Variants in CLBA1 observed in about 807,000 individuals in gnomAD.
CLBA1 encodes the protein clathrin binding box of aftiphilin containing 1, also known as uncharacterized protein CLBA1.
In CLBA1, 30 loss-of-function variants were observed where a neutral mutation model predicts 28.8. The observed-to-expected ratio is 1.04, with a 90% CI of 0.78 to 1.41. The LOEUF is 1.41. Among genes scored for constraint, CLBA1 ranks in the 40% most tolerant of loss-of-function variants. The pLI, the probability that CLBA1 is intolerant of heterozygous loss-of-function variation, is 0.00. For synonymous variants in CLBA1, 160 were observed against 152.8 expected (o/e 1.05, Z -0.35); for missense variants, 451 against 412.3 (o/e 1.09, Z -0.81).
downstream of CLBA1, chr14:104,999,454 A>G (rs1199610981): frequency 3.8e-5 from 6 of 157,226 alleles, no homozygotes; most frequent in Admixed American, 3.9e-4. Context: ...CAAGATGCCC[A>G]AGGACCCAGC....
intron 2 of CLBA1, 147 bp downstream of exon 2, chr14:104,989,235 G>A (rs1899952072): frequency 2.6e-6 from 2 of 756,458 alleles, no homozygotes; most frequent in Admixed American, 2.9e-5. Context: ...GGGGTCCTAT[G>A]AGAAGGGGCA....
At chr14:104,991,023 GTTTTT>G (rs927897219) in intron 2 of CLBA1, 3 of 160,710 alleles carry the variant, frequency 1.9e-5, no homozygotes, top group African/African-American at 7.2e-5. Flanking sequence ...GTTTTTATTT[GTTTTT>G]TTGTTTGTTT....
intron 3 of CLBA1, 93 bp from the exon 4 acceptor site, chr14:104,992,855 T>G (rs975106435): frequency 4.1e-5 from 44 of 1,062,450 alleles, no homozygotes; most frequent in Non-Finnish European, 6.2e-5. Context: ...CTTTGCAGTT[T>G]TAGCATGAAA....
Position 104,993,063 on chromosome 14 carries a change from A to T in CLBA1, c.815A>T (p.Lys272Met), listed in dbSNP as rs1900081771. Reference sequence around the variant, plus strand: ...CATTGCAAAGCCCTGATCCAGACCAAGGTGAGTGGTCACCAAGGAGAGGCC... The same window carrying T: ...CATTGCAAAGCCCTGATCCAGACCATGGTGAGTGGTCACCAAGGAGAGGCC... ...LQHCKALIQT[K>M]LSGPPGSKQG... Residue 272 changes from lysine to methionine, a missense_variant and splice_region_variant, in exon 4 of 5, where the codon AAG becomes ATG. Transcript: ENST00000547315. 1.2e-6 allele frequency: 2 copies of T among 1,612,688 alleles called. No individual in the cohort carries two copies. The highest frequency in any genetic ancestry group is 3.4e-5 in the Admixed American group (2 of 59,700).
downstream of CLBA1, among the ~76,000 whole-genome samples, chr14:105,000,290 CTTT>C (rs56848266): frequency 1.4e-5 from 2 of 145,200 alleles, no homozygotes; most frequent in East Asian, 3.9e-4. Flanking sequence ...TTCTTTCTTT[CTTT>C]TTTTTTTTTG....
chr14:104,997,293 T>G (rs193278203), downstream of CLBA1, among the ~76,000 whole-genome samples: 445 of 152,282 alleles, frequency 2.9e-3, 1 homozygote, highest in African/African-American at 0.01. Context: ...ATCAGTTAAC[T>G]TGAAGATTGG....
At chr14:104,994,110 T>C (rs1235655943) in intron 4 of CLBA1, 7 of 985,084 alleles carry the variant, frequency 7.1e-6, no homozygotes, top group Non-Finnish European at 8.4e-6. Flanking sequence ...AGGCTGTCCA[T>C]CTTTTTGAAA....
chr14:104,997,873 G>C (rs1212958598), downstream of CLBA1, among the ~76,000 whole-genome samples: 1 of 152,064 alleles, frequency 6.6e-6, no homozygotes, highest in Non-Finnish European at 1.5e-5. Context: ...GCCAGGCGTG[G>C]TGGCGCATGC....
intron 2 of CLBA1, 113 bp downstream of exon 2, chr14:104,989,201 G>T: frequency 9.3e-7 from 1 of 1,076,106 alleles, no homozygotes; most frequent in Non-Finnish European, 1.3e-6. Context: ...TCTCTCCTGA[G>T]GTCCCTGCCA....
chr14:104,993,279 ACT>A (rs1376782087), intron 4 of CLBA1: 61 of 985,176 alleles, frequency 6.2e-5, no homozygotes, highest in Non-Finnish European at 7.4e-5. Context: ...ATCCGGAAAG[ACT>A]CTCAGGCCAG....
intron 3 of CLBA1, among the ~76,000 whole-genome samples, 163 bp from the exon 4 acceptor site, chr14:104,992,785 C>T (rs1200566099): frequency 6.6e-6 from 1 of 152,088 alleles, no homozygotes; most frequent in East Asian, 1.9e-4. Context: ...CATGAGGCAG[C>T]GAGTGGCAGG....
intron 4 of CLBA1, 42 bp downstream of exon 4, chr14:104,993,106 C>T (rs760304582): frequency 2.6e-5 from 41 of 1,588,290 alleles, no homozygotes; most frequent in South Asian, 3.4e-5. Flanking sequence ...ACCGCGCTGG[C>T]GGTGTCCACA....
rs967018901 is a variant in CLBA1 at position 104,993,597 on chromosome 14, A to T, written c.816+533A>T. 5.1e-6 allele frequency: 5 copies of T among 985,276 alleles called. No homozygotes were observed. In the African/African-American group the frequency reaches 8.7e-5, roughly 17 times the overall value. The allele number at this position is 985,276 out of a possible 1,614,324, so 61.0% of individuals were successfully genotyped here. On this transcript the variant is annotated intron_variant, in intron 4 of 4. Coordinates refer to ENST00000547315, the MANE Select transcript of CLBA1 (RefSeq NM_174891.4). Reference sequence around the variant, plus strand: ...AGCCGGGCTCAAGGCAGAAGAGGAGATGGGCAGAGAAGGGGACTTCTTCTT... The same window carrying T: ...AGCCGGGCTCAAGGCAGAAGAGGAGTTGGGCAGAGAAGGGGACTTCTTCTT...
rs2140892040 is a variant in CLBA1 at position 104,985,934 on chromosome 14, GC to G, written c.-495del. ...CCAGGCGCTTAGCCGGCCACCTCGG[GC>G]CCTGTCCAGGCCCAGGCGTTCCAGG... is the stretch of plus-strand genomic sequence containing the variant. On this transcript the variant is annotated 5_prime_UTR_variant, in exon 1 of 5. Coordinates refer to ENST00000547315, the MANE Select transcript of CLBA1 (RefSeq NM_174891.4). The G allele has an allele frequency of 4.9e-6, 1 of 203,350 alleles. No individual in the cohort carries two copies. Among genetic ancestry groups the G allele is most frequent in the African/African-American group, 2.4e-5 (1 of 41,716 alleles). 12.6% of individuals were successfully genotyped at this position (203,350 alleles called of 1,614,324 possible).
rs777738005 is a variant in CLBA1 at position 104,986,775 on chromosome 14, C to T, written c.344C>T (p.Ala115Val). The T allele has an allele frequency of 1.2e-6, 2 of 1,613,906 alleles. No individual in the cohort carries two copies. Among genetic ancestry groups the T allele is most frequent in the East Asian group, 4.5e-5 (2 of 44,878 alleles). ...CCCCAGCCACCGAGAACCACTTCTG[C>T]CCCAAAAGAGTGCAGTTCTCACCAA... ...TEPQPPRTTS[A>V]PKECSSHQPC... The change falls in exon 1 of 5, where the codon GCC (alanine) becomes GTC (valine). Residue 115 changes from alanine to valine, a missense_variant. By Grantham distance (64) the Ala-to-Val change is moderately conservative. Coordinates refer to ENST00000547315, the MANE Select transcript of CLBA1 (RefSeq NM_174891.4).
intron 2 of CLBA1, 130 bp from the exon 3 acceptor site, chr14:104,991,361 C>A (rs144314105): frequency 9.2e-7 from 1 of 1,082,048 alleles, no homozygotes; most frequent in Non-Finnish European, 1.3e-6. Flanking sequence ...CAGCCATACG[C>A]CTCTTGGCTT....
intron 2 of CLBA1, chr14:104,991,214 C>T (rs193030331): frequency 4.3e-4 from 117 of 270,716 alleles, no homozygotes; most frequent in Admixed American, 1.0e-3. Flanking sequence ...TTAGTAGAGA[C>T]GGGGTTTCAC....
intron 2 of CLBA1, among the ~76,000 whole-genome samples, chr14:105,000,738 TAAACAGATGAAATGTC>T (rs1900251840): frequency 6.6e-6 from 1 of 152,108 alleles, no homozygotes; most frequent in South Asian, 2.1e-4. Context: ...ATGGCTATTC[TAAACAGATGAAATGTC>T]GGTGATGGTG....
downstream of CLBA1, chr14:104,999,346 C>CATCAG (rs1330293979): frequency 3.2e-6 from 2 of 621,460 alleles, no homozygotes; most frequent in African/African-American, 4.0e-5. Flanking sequence ...AGGCCAGGGA[C>CATCAG]ATGGCCTTCA....
Sources: allele counts gnomAD v4.1 joint callset (sites outside exome capture counted in the v4.1 genomes callset), GRCh38; gene constraint gnomAD v4.1.1; transcripts MANE v1.5; gene names NCBI Gene and HGNC (gene_info 2026-07-23, HGNC 2026-07-21).